CATSPERT: variants seen among roughly 807,000 people sequenced by gnomAD.
CATSPERT encodes catsper channel auxiliary subunit tau, also known as cation channel sperm-associated targeting subunit tau.
At chr2:201,615,268 A>G in the CATSPERT span, among the ~76,000 whole-genome samples, 1 of 152,198 alleles carries the variant, frequency 6.6e-6, no homozygotes, top group African/African-American at 2.4e-5. Context: ...TCTCAGCACC[A>G]CATCACACTT....
the CATSPERT span, chr2:201,493,347 G>A: frequency 3.9e-6 from 6 of 1,536,734 alleles, no homozygotes; most frequent in Non-Finnish European, 5.2e-6. Flanking sequence ...CAGAAGTAGT[G>A]TCTTTGGGAA....
At chr2:201,549,230 A>G in the CATSPERT span, among the ~76,000 whole-genome samples, 1 of 152,146 alleles carries the variant, frequency 6.6e-6, no homozygotes, top group African/African-American at 2.4e-5. Context: ...TTCAGAAACT[A>G]AAGTGTAAGA....
At chr2:201,608,571 C>T in the CATSPERT span, among the ~76,000 whole-genome samples, 1 of 152,120 alleles carries the variant, frequency 6.6e-6, no homozygotes, top group Admixed American at 6.6e-5. Flanking sequence ...AATCCCAGCA[C>T]TTTGGGAGGC....
the CATSPERT span, among the ~76,000 whole-genome samples, chr2:201,588,495 C>G: frequency 6.7e-6 from 1 of 149,196 alleles, no homozygotes; most frequent in Admixed American, 6.7e-5. Context: ...AGGACCATAC[C>G]TCAGAATAAT....
the CATSPERT span, chr2:201,492,717 G>T: frequency 1.9e-4 from 288 of 1,535,328 alleles, no homozygotes; most frequent in Non-Finnish European, 2.3e-4. Flanking sequence ...CAAAAGACAT[G>T]ATTTCTTTCA....
chr2:201,546,627 G>C, the CATSPERT span, among the ~76,000 whole-genome samples: 8 of 152,192 alleles, frequency 5.3e-5, no homozygotes, highest in East Asian at 1.5e-3. Flanking sequence ...ATAATTTTTA[G>C]AAGTTAAAAA....
At chr2:201,539,049 C>CT in the CATSPERT span, among the ~76,000 whole-genome samples, 28 of 152,262 alleles carry the variant, frequency 1.8e-4, no homozygotes, top group Non-Finnish European at 3.8e-4. Context: ...ACTACATTTT[C>CT]TTTATCCAGT....
the CATSPERT span, among the ~76,000 whole-genome samples, chr2:201,495,183 G>A: frequency 6.6e-6 from 1 of 151,640 alleles, no homozygotes; most frequent in Non-Finnish European, 1.5e-5. Context: ...CAAGCAAGTA[G>A]TGAAAAGTAC....
chr2:201,521,887 C>T, the CATSPERT span, among the ~76,000 whole-genome samples: 1 of 152,044 alleles, frequency 6.6e-6, no homozygotes, highest in African/African-American at 2.4e-5. Context: ...ACGAAAAAAA[C>T]CATATGATTA....
the CATSPERT span, among the ~76,000 whole-genome samples, chr2:201,524,250 C>A: frequency 2.0e-5 from 3 of 152,034 alleles, no homozygotes; most frequent in Non-Finnish European, 4.4e-5. Flanking sequence ...ACAAATGAAA[C>A]CCCATCAGGC....
the CATSPERT span, chr2:201,492,328 A>T: frequency 1.3e-6 from 2 of 1,536,020 alleles, no homozygotes; most frequent in Non-Finnish European, 1.7e-6. Context: ...TTTTGTCATT[A>T]GTCCTGATTT....
chr2:201,595,234 G>C, the CATSPERT span, among the ~76,000 whole-genome samples: 1 of 149,286 alleles, frequency 6.7e-6, no homozygotes, highest in Admixed American at 6.7e-5. Context: ...TGTCGCCCAG[G>C]CTGGGGTGCA....
the CATSPERT span, among the ~76,000 whole-genome samples, chr2:201,501,525 A>T: frequency 6.6e-6 from 1 of 152,072 alleles, no homozygotes; most frequent in African/African-American, 2.4e-5. Context: ...AAGTTAAAAG[A>T]AGGAAGGAAA....
At chr2:201,618,930 G>A in the CATSPERT span, 2 of 1,613,842 alleles carry the variant, frequency 1.2e-6, no homozygotes, top group South Asian at 2.2e-5. Flanking sequence ...TGCCCTCCTG[G>A]TTCTTGTTCT....
chr2:201,611,894 A>G, the CATSPERT span, among the ~76,000 whole-genome samples: 3 of 152,212 alleles, frequency 2.0e-5, no homozygotes, highest in African/African-American at 7.2e-5. Context: ...GTATAGTGGT[A>G]AACTCAAGAG....
At chr2:201,491,362 A>T in the CATSPERT span, 1 of 1,537,304 alleles carries the variant, frequency 6.5e-7, no homozygotes, top group Non-Finnish European at 8.7e-7. Flanking sequence ...TTCTGGGAAG[A>T]GGTGTGGTTT....
chr2:201,594,312 T>A, the CATSPERT span, among the ~76,000 whole-genome samples: 5 of 152,212 alleles, frequency 3.3e-5, no homozygotes, highest in Non-Finnish European at 5.9e-5. Flanking sequence ...TGGCCCCCAC[T>A]CTCTTCTGGC....
chr2:201,491,239 G>T, the CATSPERT span: 1 of 1,537,918 alleles, frequency 6.5e-7, no homozygotes, highest in Non-Finnish European at 8.7e-7. Context: ...AATTCTTGTG[G>T]TGGGCAGTGT....
chr2:201,615,815 C>A, the CATSPERT span, among the ~76,000 whole-genome samples: 1 of 151,878 alleles, frequency 6.6e-6, no homozygotes, highest in Non-Finnish European at 1.5e-5. Context: ...ACTAGCAAGA[C>A]TAAGAAAGAA....
Sources: allele counts gnomAD v4.1 joint callset (sites outside exome capture counted in the v4.1 genomes callset), GRCh38; gene constraint gnomAD v4.1.1; transcripts MANE v1.5; gene names NCBI Gene and HGNC (gene_info 2026-07-23, HGNC 2026-07-21).